The following MMD2 variants were observed in gnomAD, a reference collection of about 807,000 sequenced individuals.
MMD2 encodes monocyte to macrophage differentiation associated 2, also known as monocyte to macrophage differentiation factor 2.
A neutral mutation model predicts 33.5 loss-of-function variants in MMD2; 30 were observed. That is an observed-to-expected ratio of 0.90 (90% CI 0.67 to 1.22). MMD2 has a LOEUF of 1.22. Ranked by LOEUF, MMD2 falls within the 50% of genes most tolerant of loss-of-function variation. The probability of loss-of-function intolerance (pLI) is 0.00; values close to 1 mark genes in which losing one functional copy is unlikely to be tolerated. For synonymous variants in MMD2, 129 were observed against 123.0 expected, an observed-to-expected ratio of 1.05 and a Z score of -0.32; for missense variants, 364 against 325.4, an observed-to-expected ratio of 1.12 and a Z score of -0.91.
At chr7:4,953,706 G>A (rs1313184966) in intron 1 of MMD2, among the ~76,000 whole-genome samples, 2 of 151,884 alleles carry the variant, frequency 1.3e-5, no homozygotes, top group African/African-American at 4.8e-5. Flanking sequence ...CCTGACCTCA[G>A]GTGATCCACC....
the MMD2 span, among the ~76,000 whole-genome samples, chr7:4,898,623 G>A: frequency 3.9e-4 from 59 of 152,304 alleles, no homozygotes; most frequent in African/African-American, 7.7e-4. Context: ...TGGGCAGGGC[G>A]CAGTGGCTCC....
intron 1 of MMD2, among the ~76,000 whole-genome samples, chr7:4,928,465 T>G (rs907947847): frequency 3.8e-4 from 58 of 151,852 alleles, no homozygotes; most frequent in African/African-American, 1.4e-3. Context: ...TCCTGTATGC[T>G]GGATCCAGGT....
intron 1 of MMD2, among the ~76,000 whole-genome samples, chr7:4,952,995 G>GTT (rs140512396): frequency 0.011 from 1,656 of 151,664 alleles, 28 homozygotes; most frequent in Middle Eastern, 0.044. Context: ...TTTTTTGTTT[G>GTT]TTTTTTTGTT....
intron 3 of MMD2, among the ~76,000 whole-genome samples, chr7:4,918,847 C>T (rs1414216283): frequency 4.0e-5 from 6 of 151,800 alleles, no homozygotes; most frequent in Admixed American, 2.6e-4. Flanking sequence ...CTTGTAATCC[C>T]GGCACTTTGG....
chr7:4,901,802 A>C (rs1257617497), downstream of MMD2, among the ~76,000 whole-genome samples: 2 of 152,178 alleles, frequency 1.3e-5, no homozygotes, highest in Non-Finnish European at 2.9e-5. Flanking sequence ...GGGAGCCTGC[A>C]CCTGGCTTGT....
intron 3 of MMD2, 121 bp from the exon 4 acceptor site, chr7:4,916,200 G>T: frequency 2.4e-6 from 2 of 818,984 alleles, no homozygotes; most frequent in Non-Finnish European, 2.0e-6. Flanking sequence ...GGGCTCCTCT[G>T]TCCAGCCAAG....
chr7:4,922,266 C>A (rs1785306846), intron 2 of MMD2, among the ~76,000 whole-genome samples: 1 of 151,042 alleles, frequency 6.6e-6, no homozygotes, highest in Non-Finnish European at 1.5e-5. Flanking sequence ...ATTACATCAT[C>A]TTAAAAAAAT....
rs34216197 is a variant in MMD2 at position 4,908,147 on chromosome 7, GT to G, written c.538-549del. On this transcript the variant is annotated intron_variant, in intron 6 of 6. Transcript: ENST00000401401. ...TTTATAACTTATCTTATCTGGTTTT[GT>G]TTTTTTTTTTTTTGAGACACAGTTG... Among the ~76,000 whole-genome samples the G allele has an allele frequency of 2.9e-3, 396 of 137,552 alleles. 5 individuals are homozygous for G. The highest frequency in any genetic ancestry group is 0.018 in the South Asian group (74 of 4,220). The allele number at this position is 137,552 out of a possible 152,430, so 90.2% of individuals were successfully genotyped here. A position where few individuals can be genotyped will look rare whatever the true frequency, so the allele number is the denominator to read the frequency against.
chr7:4,938,832 T>C (rs1247304497), intron 1 of MMD2, among the ~76,000 whole-genome samples: 1 of 152,088 alleles, frequency 6.6e-6, no homozygotes, highest in Non-Finnish European at 1.5e-5. Context: ...TAAAATCCTA[T>C]CAAATAAAAA....
Position 4,940,603 on chromosome 7 carries a change from A to C in MMD2, c.48-15071T>G, listed in dbSNP as rs1785881899. On this transcript the variant is annotated intron_variant, in intron 1 of 6. Coordinates refer to ENST00000401401, the MANE Select transcript of MMD2 (RefSeq NM_198403.4). This position sits in a 1 kb window ranked among gnomAD's most constrained non-coding sequence, Gnocchi z 5.0. ...CCTGGCCGCTTCTTTGTGTCCATTCATGAATTCAAGGCTCCTCCTGAAAGG... is the reference window on the plus strand; with the variant it reads ...CCTGGCCGCTTCTTTGTGTCCATTCCTGAATTCAAGGCTCCTCCTGAAAGG... 6.6e-6 allele frequency among the ~76,000 whole-genome samples: 1 copy of C among 152,194 alleles called. No homozygotes were observed. Among genetic ancestry groups the C allele is most frequent in the South Asian group, 2.1e-4 (1 of 4,834 alleles).
At chr7:4,947,596 T>C (rs933999601) in intron 1 of MMD2, among the ~76,000 whole-genome samples, 69 of 150,604 alleles carry the variant, frequency 4.6e-4, no homozygotes, top group African/African-American at 1.6e-3. Flanking sequence ...GGTTTCACCA[T>C]GTTAGCCAGG....
Position 4,914,412 on chromosome 7 carries a change from T to C in MMD2, c.365+1593A>G, listed in dbSNP as rs117684585. On this transcript the variant is annotated intron_variant, in intron 4 of 6. Coordinates refer to ENST00000401401, the MANE Select transcript of MMD2 (RefSeq NM_198403.4). The stretch of plus-strand genomic sequence containing the variant: ...ATGCCTGCAGAATTTGTCTCTTTCA[T>C]TTCCATCAGCTTCTCTCTGATTGCT... Among the ~76,000 whole-genome samples, 403 of 152,370 alleles carry C rather than the reference T, an allele frequency of 2.6e-3. 1 individual carries two copies. The highest frequency in any genetic ancestry group is 3.9e-3 in the Non-Finnish European group (263 of 68,034).
rs1784888050 is a variant in MMD2 at position 4,907,324 on chromosome 7, T to C, written c.*72A>G. 4.1e-5 allele frequency: 61 copies of C among 1,474,170 alleles called. 1 individual carries two copies. In the South Asian group the frequency reaches 5.9e-4, roughly 14 times the overall value. The allele number at this position is 1,474,170 out of a possible 1,614,324, so 91.3% of individuals were successfully genotyped here. ...AAAGGGAAGACAGGCCTTGGCGCTG[T>C]GCTCTGGGTTAACGTTCACAGAAAC... On this transcript the variant is annotated 3_prime_UTR_variant, in exon 7 of 7. Coordinates refer to ENST00000401401, the MANE Select transcript of MMD2 (RefSeq NM_198403.4).
Position 4,958,958 on chromosome 7 carries a change from G to A in MMD2, c.47+13C>T, listed in dbSNP as rs930049442. 18 of 1,283,344 alleles carry A rather than the reference G, an allele frequency of 1.4e-5. No individual in the cohort carries two copies. Among genetic ancestry groups the A allele is most frequent in the African/African-American group, 6.2e-5 (4 of 64,164 alleles). The allele number at this position is 1,283,344 out of a possible 1,614,324, so 79.5% of individuals were successfully genotyped here. On this transcript the variant is annotated intron_variant, in intron 1 of 6. Coordinates refer to ENST00000401401, the MANE Select transcript of MMD2 (RefSeq NM_198403.4). ...TCCCTCCCTCCCCGCGGACCTCCGC[G>A]GCCGCCGCTCACCTCGCGTATTTCG...
intron 1 of MMD2, among the ~76,000 whole-genome samples, chr7:4,930,361 C>A (rs770111527): frequency 5.3e-5 from 8 of 151,034 alleles, no homozygotes; most frequent in African/African-American, 2.0e-4. Context: ...CAAAACAGGC[C>A]GGGCATGGTG....
chr7:4,956,216 T>A (rs2965037), intron 1 of MMD2, among the ~76,000 whole-genome samples: 9 of 152,120 alleles, frequency 5.9e-5, no homozygotes, highest in South Asian at 2.1e-4. Flanking sequence ...TGAGCCTAGG[T>A]GCTCAAGACC....
rs542031378 is a variant in MMD2, at chr7:4,926,238, C to T, written c.48-706G>A. 3.7e-4 allele frequency among the ~76,000 whole-genome samples: 56 copies of T among 152,234 alleles called. 1 individual carries two copies. Among genetic ancestry groups the T allele is most frequent in the Middle Eastern group, 3.4e-3 (1 of 294 alleles). The stretch of plus-strand genomic sequence containing the variant: ...TCAGCCTCCTGAGATGCTGGGACTA[C>T]AGGCACAATCTACCATGCCCGGCTA... On this transcript the variant is annotated intron_variant, in intron 1 of 6. Coordinates refer to ENST00000401401, the MANE Select transcript of MMD2 (RefSeq NM_198403.4).
chr7:4,919,848 A>G (rs1024920081), intron 3 of MMD2, among the ~76,000 whole-genome samples: 1 of 152,134 alleles, frequency 6.6e-6, no homozygotes, highest in Non-Finnish European at 1.5e-5. Context: ...ATGAGCTGAG[A>G]TAGCGCCACT....
At chr7:4,931,237 C>T (rs1785578766) in intron 1 of MMD2, among the ~76,000 whole-genome samples, 1 of 152,158 alleles carries the variant, frequency 6.6e-6, no homozygotes, top group Non-Finnish European at 1.5e-5. Flanking sequence ...CCTCGACCTC[C>T]TGGGCTCGAG....
Sources: gnomAD v4.1 joint callset for allele counts (sites outside exome capture counted in the v4.1 genomes callset) on GRCh38, gnomAD v4.1.1 for gene constraint, Gnocchi (gnomAD v3.1) non-coding constraint, MANE v1.5 for transcripts, NCBI Gene and HGNC (gene_info 2026-07-23, HGNC 2026-07-21) for gene names.